Variants in RAB8B observed in about 807,000 individuals in gnomAD.
RAB8B encodes RAB8B, member RAS oncogene family.
RAB8B carries 11 observed loss-of-function variants against 32.0 expected under a neutral mutation model. The ratio of observed to expected loss-of-function variants is 0.34; its 90% CI spans 0.22 to 0.57. RAB8B has a LOEUF of 0.57. Among genes scored for constraint, RAB8B ranks in the 20% least tolerant of loss-of-function variants. RAB8B has a pLI of 0.86. For missense variants in RAB8B, 190 were observed against 258.5 expected (o/e 0.73, Z 1.82); for synonymous variants, 103 against 89.6 (o/e 1.15, Z -0.85).
At chr15:63,221,844 T>C (rs925727209) in intron 1 of RAB8B, among the ~76,000 whole-genome samples, 1 of 152,276 alleles carries the variant, frequency 6.6e-6, no homozygotes, top group African/African-American at 2.4e-5. Context: ...ATTTCACTTC[T>C]GTCTGCTTAT....
intron 7 of RAB8B, 142 bp from the exon 8 acceptor site, chr15:63,263,385 T>C: frequency 3.2e-6 from 2 of 623,758 alleles, no homozygotes; most frequent in Non-Finnish European, 5.6e-6. Flanking sequence ...TAGTTCCCGT[T>C]CTAATAAAAT....
rs11394377 is a variant in RAB8B at position 63,202,290 on chromosome 15, G to GGA, written c.124+12542_124+12543insGA. ...GAGACTCCGTCTCAAAAAGAAAAAA[G>GGA]AAAAAAAAGAACTATTAAAACTGAC... is the stretch of plus-strand genomic sequence containing the variant. On this transcript the variant is annotated intron_variant, in intron 1 of 7. Coordinates refer to ENST00000321437, the MANE Select transcript of RAB8B (RefSeq NM_016530.3). 3.3e-4 allele frequency among the ~76,000 whole-genome samples: 7 copies of GGA among 21,336 alleles called. No individual in the cohort carries two copies. In the South Asian group the frequency reaches 0.015, roughly 46 times the overall value. The allele number at this position is 21,336 out of a possible 152,430, so 14.0% of individuals were successfully genotyped here. A position where few individuals can be genotyped will look rare whatever the true frequency, so the allele number is the denominator to read the frequency against.
At chr15:63,262,614 T>G (rs975967278) in intron 6 of RAB8B, 78 bp from the exon 7 acceptor site, 7 of 404,536 alleles carry the variant, frequency 1.7e-5, no homozygotes, top group Middle Eastern at 1.8e-3. Flanking sequence ...GCGGGGGGAA[T>G]ATATATATGT....
chr15:63,258,819 G>T (rs1049216981), intron 5 of RAB8B, among the ~76,000 whole-genome samples: 7 of 152,128 alleles, frequency 4.6e-5, no homozygotes, highest in Non-Finnish European at 7.3e-5. Context: ...TATACCCTGC[G>T]CAGACGTCTG....
At chr15:63,258,594 C>T (rs559721572) in intron 5 of RAB8B, among the ~76,000 whole-genome samples, 14 of 152,204 alleles carry the variant, frequency 9.2e-5, no homozygotes, top group African/African-American at 3.4e-4. Context: ...GCCAAAACCA[C>T]AAATTTATCG....
Position 63,249,675 on chromosome 15 carries a change from A to G in RAB8B, c.216A>G (p.Thr72=). ...CAGCGGGTCAGGAAAGATTCCGAAC[A>G]ATCACGACAGCGTACTACAGAGGAG... is the stretch of plus-strand genomic sequence containing the variant. ...WDTAGQERFR[T]ITTAYYRGAM... Residue 72 remains threonine (T), a synonymous_variant, in exon 3 of 8, where the codon ACA becomes ACG. Coordinates refer to ENST00000321437, the MANE Select transcript of RAB8B (RefSeq NM_016530.3). The G allele has an allele frequency of 6.2e-7, 1 of 1,614,004 alleles. No individual in the cohort carries two copies. Among genetic ancestry groups the G allele is most frequent in the Non-Finnish European group, 8.5e-7 (1 of 1,179,926 alleles).
At chr15:63,244,839 T>G in intron 2 of RAB8B, 23 bp downstream of exon 2, 1 of 1,535,588 alleles carries the variant, frequency 6.5e-7, no homozygotes, top group Non-Finnish European at 8.9e-7. Context: ...ACACACAGAG[T>G]TTCTGCTTTA....
chr15:63,242,844 C>T (rs2038043453), intron 1 of RAB8B, among the ~76,000 whole-genome samples: 1 of 152,070 alleles, frequency 6.6e-6, no homozygotes, highest in Non-Finnish European at 1.5e-5. Flanking sequence ...GACAGTTTTT[C>T]CTCCAGGGAC....
At chr15:63,234,396 T>C (rs1567016489) in intron 1 of RAB8B, among the ~76,000 whole-genome samples, 1 of 152,246 alleles carries the variant, frequency 6.6e-6, no homozygotes, top group Non-Finnish European at 1.5e-5. Flanking sequence ...TTAACTTTAG[T>C]GTAAAAGAGT....
At chr15:63,219,487 C>A (rs1026428889) in intron 1 of RAB8B, among the ~76,000 whole-genome samples, 5 of 148,454 alleles carry the variant, frequency 3.4e-5, no homozygotes, top group Admixed American at 6.7e-5. Context: ...AGAGAACAGA[C>A]AAGAACATGA....
At chr15:63,225,537 A>G (rs2037881440) in intron 1 of RAB8B, among the ~76,000 whole-genome samples, 1 of 152,242 alleles carries the variant, frequency 6.6e-6, no homozygotes, top group African/African-American at 2.4e-5. Flanking sequence ...AAATGACAGC[A>G]GACACTTTCA....
chr15:63,204,105 A>G (rs530064349), intron 1 of RAB8B, among the ~76,000 whole-genome samples: 41 of 152,236 alleles, frequency 2.7e-4, no homozygotes, highest in Middle Eastern at 3.4e-3. Flanking sequence ...TAATCCAGGT[A>G]ACATAAGAAG....
chr15:63,221,351 A>G (rs1302738150), intron 1 of RAB8B, among the ~76,000 whole-genome samples: 1 of 152,166 alleles, frequency 6.6e-6, no homozygotes, highest in African/African-American at 2.4e-5. Context: ...AGGGATTATA[A>G]ATAACTAATG....
chr15:63,203,823 C>G (rs775294387), intron 1 of RAB8B, among the ~76,000 whole-genome samples: 3 of 152,102 alleles, frequency 2.0e-5, no homozygotes, highest in African/African-American at 4.8e-5. Flanking sequence ...TTTTTAAACC[C>G]CATGTTTTTT....
At chr15:63,209,398 C>G (rs925013805) in intron 1 of RAB8B, among the ~76,000 whole-genome samples, 6 of 151,874 alleles carry the variant, frequency 4.0e-5, no homozygotes, top group Non-Finnish European at 8.8e-5. Flanking sequence ...TGAGACCAGA[C>G]TGGCCAACAT....
intron 6 of RAB8B, among the ~76,000 whole-genome samples, chr15:63,262,215 A>G (rs1335055186): frequency 2.0e-5 from 3 of 152,148 alleles, no homozygotes; most frequent in African/African-American, 7.2e-5. Context: ...GAAGTGGGGT[A>G]GCTTAGACAG....
chr15:63,223,278 A>G (rs2037859817), intron 1 of RAB8B, among the ~76,000 whole-genome samples: 1 of 151,460 alleles, frequency 6.6e-6, no homozygotes. Flanking sequence ...TGCCCGGCTA[A>G]TTTTTGTATT....
intron 1 of RAB8B, among the ~76,000 whole-genome samples, chr15:63,210,545 G>T (rs954064296): frequency 6.6e-6 from 1 of 152,222 alleles, no homozygotes; most frequent in Non-Finnish European, 1.5e-5. Context: ...AACCTTTGGT[G>T]CTGTCCAGGT....
intron 3 of RAB8B, among the ~76,000 whole-genome samples, chr15:63,252,097 G>T (rs1472074208): frequency 1.3e-5 from 2 of 151,426 alleles, no homozygotes; most frequent in Admixed American, 1.3e-4. Context: ...TGAATTCTTA[G>T]GAAGCTATTC....
Sources: allele counts gnomAD v4.1 joint callset (sites outside exome capture counted in the v4.1 genomes callset), GRCh38; gene constraint gnomAD v4.1.1; transcripts MANE v1.5; gene names NCBI Gene and HGNC (gene_info 2026-07-23, HGNC 2026-07-21).